PRELID2: variants seen among roughly 807,000 people sequenced by gnomAD.
PRELID2 encodes the protein PRELI domain containing 2, also known as PRELI domain-containing protein 2.
PRELID2 carries 25 observed loss-of-function variants against 28.4 expected under a neutral mutation model. The ratio of observed to expected loss-of-function variants is 0.88; its 90% CI spans 0.64 to 1.23. The LOEUF (loss-of-function observed/expected upper bound fraction) is 1.23, where lower values mean the gene tolerates loss of function less well. Among genes scored for constraint, PRELID2 ranks in the 50% most tolerant of loss-of-function variants. The probability of loss-of-function intolerance (pLI) is 0.00; values close to 1 mark genes in which losing one functional copy is unlikely to be tolerated. For missense variants in PRELID2, 201 were observed against 214.4 expected, an observed-to-expected ratio of 0.94 and a Z score of 0.39; for synonymous variants, 76 against 71.6, an observed-to-expected ratio of 1.06 and a Z score of -0.31.
chr5:145,391,856 T>A, the PRELID2 span, among the ~76,000 whole-genome samples: 1 of 152,138 alleles, frequency 6.6e-6, no homozygotes, highest in East Asian at 1.9e-4. Context: ...ATGCCACCAG[T>A]CTCTTTGCTA....
chr5:145,401,347 G>T, the PRELID2 span, among the ~76,000 whole-genome samples: 2 of 151,928 alleles, frequency 1.3e-5, no homozygotes. Context: ...AAGTTAAGAA[G>T]GAGAGTATGG....
chr5:145,446,743 G>A, the PRELID2 span, among the ~76,000 whole-genome samples: 12 of 152,172 alleles, frequency 7.9e-5, no homozygotes, highest in East Asian at 2.3e-3. Context: ...GGAACAGATT[G>A]CTGTGCCATT....
chr5:145,538,638 T>A (rs914075913), intron 1 of PRELID2, among the ~76,000 whole-genome samples: 1 of 151,972 alleles, frequency 6.6e-6, no homozygotes, highest in Non-Finnish European at 1.5e-5. Flanking sequence ...CTGTCTGCCA[T>A]CAGTCATGAG....
chr5:145,488,540 G>T (rs1376717618), intron 1 of PRELID2, among the ~76,000 whole-genome samples: 3 of 152,104 alleles, frequency 2.0e-5, no homozygotes, highest in Non-Finnish European at 4.4e-5. Flanking sequence ...TTCCTATTAT[G>T]AGGATTAAGA....
the PRELID2 span, among the ~76,000 whole-genome samples, chr5:145,292,104 C>G: frequency 7.9e-5 from 12 of 151,570 alleles, no homozygotes; most frequent in African/African-American, 2.9e-4. Flanking sequence ...TCTGTAGGCT[C>G]TACAAAAAAA....
intron 1 of PRELID2, among the ~76,000 whole-genome samples, chr5:145,568,270 G>T (rs1166534233): frequency 6.6e-6 from 1 of 152,204 alleles, no homozygotes. Flanking sequence ...TCCACTGCCA[G>T]GGGACAGAAT....
the PRELID2 span, among the ~76,000 whole-genome samples, chr5:145,425,275 G>A: frequency 6.6e-6 from 1 of 152,094 alleles, no homozygotes; most frequent in African/African-American, 2.4e-5. Context: ...GTTAGGTTGT[G>A]GAGAAAAATG....
the PRELID2 span, among the ~76,000 whole-genome samples, chr5:145,245,250 G>C: frequency 6.6e-6 from 1 of 152,008 alleles, no homozygotes; most frequent in Non-Finnish European, 1.5e-5. Context: ...GTGCCCAATA[G>C]TAAAAACTTG....
chr5:145,805,708 C>T (rs1448459852), intron 4 of PRELID2, among the ~76,000 whole-genome samples: 3 of 152,170 alleles, frequency 2.0e-5, no homozygotes, highest in Non-Finnish European at 4.4e-5. Context: ...TATTAGACAA[C>T]TTCATCGTTG....
chr5:145,340,158 T>A, the PRELID2 span, among the ~76,000 whole-genome samples: 6 of 152,158 alleles, frequency 3.9e-5, no homozygotes, highest in East Asian at 1.2e-3. Context: ...TACTCGAGCA[T>A]CCAACCCATG....
At chr5:145,243,730 A>AGAATTGCTT in the PRELID2 span, among the ~76,000 whole-genome samples, 1 of 152,258 alleles carries the variant, frequency 6.6e-6, no homozygotes, top group East Asian at 1.9e-4. Context: ...TAAGGTTTAC[A>AGAATTGCTT]GAATTGCTTG....
chr5:145,793,533 G>T (rs1489264474), intron 5 of PRELID2, among the ~76,000 whole-genome samples: 2 of 152,042 alleles, frequency 1.3e-5, no homozygotes, highest in Non-Finnish European at 2.9e-5. Context: ...GGCATAAATG[G>T]CTCCTAAAAT....
intron 1 of PRELID2, among the ~76,000 whole-genome samples, chr5:145,507,290 C>A (rs1752420262): frequency 6.6e-6 from 1 of 152,066 alleles, no homozygotes; most frequent in African/African-American, 2.4e-5. Flanking sequence ...GATTTGGAAT[C>A]AAGTTCTAGC....
At chr5:145,744,901 G>GA (rs1485917188) in intron 1 of PRELID2, among the ~76,000 whole-genome samples, 3 of 151,992 alleles carry the variant, frequency 2.0e-5, no homozygotes, top group Non-Finnish European at 4.4e-5. Flanking sequence ...AAATGGGTAA[G>GA]AAAAAACTGT....
chr5:145,538,240 T>C lies in PRELID2; in HGVS notation n.71-64925A>G, dbSNP rs116667709. Among the ~76,000 whole-genome samples the C allele has an allele frequency of 7.7e-3, 1,177 of 152,078 alleles. 22 individuals are homozygous for C. The highest frequency in any genetic ancestry group is 0.027 in the African/African-American group (1,128 of 41,550). On this transcript the variant is annotated intron_variant and non_coding_transcript_variant, in intron 1 of 2. Coordinates refer to the PRELID2 transcript ENST00000510259. The stretch of plus-strand genomic sequence containing the variant: ...TTATGCCAGTACCATACTGTTCTGG[T>C]TACTATAGCTTTGCAGTATATTCTA...
intron 1 of PRELID2, among the ~76,000 whole-genome samples, chr5:145,826,473 G>A (rs537703636): frequency 6.6e-6 from 1 of 152,246 alleles, no homozygotes; most frequent in South Asian, 2.1e-4. Context: ...TGATTTAAGG[G>A]ATTTTTAAAG....
chr5:145,738,181 C>A (rs1004085222), intron 1 of PRELID2, among the ~76,000 whole-genome samples: 2 of 152,146 alleles, frequency 1.3e-5, no homozygotes, highest in Non-Finnish European at 2.9e-5. Flanking sequence ...TCAGTAACAA[C>A]GTATTGCCCA....
At chr5:145,234,594 T>C in the PRELID2 span, among the ~76,000 whole-genome samples, 1 of 152,244 alleles carries the variant, frequency 6.6e-6, no homozygotes, top group East Asian at 1.9e-4. Flanking sequence ...TCCATTTTCT[T>C]GGTGGCCTAG....
chr5:145,382,758 T>C, the PRELID2 span, among the ~76,000 whole-genome samples: 1 of 152,010 alleles, frequency 6.6e-6, no homozygotes, highest in South Asian at 2.1e-4. Flanking sequence ...CACATTCCCT[T>C]AGCATTTACT....
Sources: allele counts gnomAD v4.1 joint callset (sites outside exome capture counted in the v4.1 genomes callset), GRCh38; gene constraint gnomAD v4.1.1; transcripts MANE v1.5; gene names NCBI Gene and HGNC (gene_info 2026-07-23, HGNC 2026-07-21).